The following SLC38A6 variants were observed in gnomAD, a reference collection of about 807,000 sequenced individuals.
SLC38A6 encodes solute carrier family 38 member 6.
Under a neutral mutation model 65.0 loss-of-function variants are expected in SLC38A6, and 73 were observed. The ratio of observed to expected loss-of-function variants is 1.12; its 90% CI spans 0.93 to 1.37. SLC38A6 has a LOEUF of 1.37. Among genes scored for constraint, SLC38A6 ranks in the 40% most tolerant of loss-of-function variants. The pLI is 0.00. For missense variants in SLC38A6, 561 were observed against 531.1 expected (o/e 1.06, Z -0.55); for synonymous variants, 183 against 178.8 (o/e 1.02, Z -0.19).
chr14:60,982,685 A>G (rs1291379226), intron 2 of SLC38A6, 47 bp downstream of exon 2: 1 of 1,565,624 alleles, frequency 6.4e-7, no homozygotes, highest in East Asian at 2.3e-5. Flanking sequence ...CATTTTGATA[A>G]TATACGGAGA....
At chr14:61,040,911 G>A (rs1467886606) in intron 8 of SLC38A6, among the ~76,000 whole-genome samples, 1 of 152,144 alleles carries the variant, frequency 6.6e-6, no homozygotes, top group African/African-American at 2.4e-5. Context: ...TAGTAGGGGA[G>A]ATAAATTTCT....
intron 3 of SLC38A6, among the ~76,000 whole-genome samples, chr14:61,009,717 T>C (rs2039412809): frequency 6.6e-6 from 1 of 152,186 alleles, no homozygotes; most frequent in Admixed American, 6.5e-5. Context: ...GCACTCATCA[T>C]TTTTTATGGC....
At chr14:61,036,917 G>A (rs2041416609) in intron 6 of SLC38A6, 142 bp from the exon 7 acceptor site, 1 of 471,462 alleles carries the variant, frequency 2.1e-6, no homozygotes, top group African/African-American at 2.0e-5. Flanking sequence ...TTTAATGAAA[G>A]GAAGTAGGCT....
At chr14:61,049,258 C>A (rs2042357437) in intron 12 of SLC38A6, among the ~76,000 whole-genome samples, 1 of 152,168 alleles carries the variant, frequency 6.6e-6, no homozygotes, top group African/African-American at 2.4e-5. Context: ...ATTACTAGGT[C>A]TGAAATGCAT....
chr14:61,027,278 G>T (rs914731375), intron 5 of SLC38A6, among the ~76,000 whole-genome samples: 1 of 152,082 alleles, frequency 6.6e-6, no homozygotes, highest in Non-Finnish European at 1.5e-5. Context: ...TGACATCAAG[G>T]TATATCTTCT....
chr14:60,981,634 T>G, intron 1 of SLC38A6: 1 of 1,452,036 alleles, frequency 6.9e-7, no homozygotes, highest in Non-Finnish European at 9.1e-7. Context: ...CAGCGTTGAG[T>G]GGAAGCTGCG....
intron 3 of SLC38A6, among the ~76,000 whole-genome samples, chr14:61,007,714 A>G (rs1261794466): frequency 6.6e-6 from 1 of 152,234 alleles, no homozygotes; most frequent in Non-Finnish European, 1.5e-5. Flanking sequence ...TATAAGTGAC[A>G]TATCAGAGAT....
chr14:61,078,481 C>G (rs965410380), intron 15 of SLC38A6, among the ~76,000 whole-genome samples: 13 of 152,276 alleles, frequency 8.5e-5, no homozygotes, highest in African/African-American at 2.4e-4. Context: ...GTAGAGAATG[C>G]TGGACCCAGG....
chr14:61,067,847 G>A (rs2043081348), intron 15 of SLC38A6, among the ~76,000 whole-genome samples: 1 of 151,728 alleles, frequency 6.6e-6, no homozygotes, highest in Admixed American at 6.6e-5. Context: ...TTTGAATCTT[G>A]ATTCTAGTGC....
At chr14:61,054,648 A>G (rs142458424), downstream of SLC38A6, among the ~76,000 whole-genome samples, 1,576 of 152,062 alleles carry the variant, frequency 0.01, 20 homozygotes, top group Non-Finnish European at 0.012. Flanking sequence ...TGTGAATGGG[A>G]TTGTCTGATT....
intron 2 of SLC38A6, 60 bp downstream of exon 2, chr14:60,982,698 T>G: frequency 6.6e-7 from 1 of 1,508,578 alleles, no homozygotes; most frequent in South Asian, 1.3e-5. Context: ...TACGGAGAAG[T>G]AGAGAGATAG....
intron 15 of SLC38A6, among the ~76,000 whole-genome samples, chr14:61,061,490 A>G (rs2042839898): frequency 6.6e-6 from 1 of 151,970 alleles, no homozygotes. Context: ...ATTTTTTTGG[A>G]GTAGTTTCTG....
Position 60,989,777 on chromosome 14 carries a change from C to T in SLC38A6, c.310+4974C>T, listed in dbSNP as rs117831011. Among the ~76,000 whole-genome samples the T allele has an allele frequency of 4.6e-5, 7 of 152,320 alleles. No homozygotes were observed. The East Asian group carries it at 1.3e-3, about 29-fold the overall frequency. On this transcript the variant is annotated intron_variant, in intron 3 of 15. Transcript: ENST00000267488. The stretch of plus-strand genomic sequence containing the variant: ...GATGTCTCCAGTTCCTCTCCTCCCA[C>T]TCCTATCAGGCTTTTCCACTGAAAC...
intron 6 of SLC38A6, among the ~76,000 whole-genome samples, chr14:61,035,686 T>TGAA (rs2041308016): frequency 1.3e-5 from 2 of 152,226 alleles, no homozygotes; most frequent in South Asian, 4.1e-4. Context: ...CTAGATTAAT[T>TGAA]GAAACAGTCT....
At chr14:61,011,539 T>C (rs1470945659) in intron 3 of SLC38A6, among the ~76,000 whole-genome samples, 1 of 152,168 alleles carries the variant, frequency 6.6e-6, no homozygotes, top group Non-Finnish European at 1.5e-5. Flanking sequence ...GCTCTTATTA[T>C]TTTGAGATAC....
At chr14:61,060,868 G>A (rs1413344055) in intron 15 of SLC38A6, among the ~76,000 whole-genome samples, 1 of 131,730 alleles carries the variant, frequency 7.6e-6, no homozygotes, top group Non-Finnish European at 1.6e-5. Flanking sequence ...ATATTCGGGT[G>A]GGAGTGACCC....
intron 3 of SLC38A6, among the ~76,000 whole-genome samples, chr14:61,015,472 G>A (rs752285692): frequency 4.6e-5 from 7 of 152,072 alleles, no homozygotes; most frequent in Non-Finnish European, 5.9e-5. Flanking sequence ...TTCTGTGTCC[G>A]GAAATAACTT....
At chr14:61,054,380 T>A (rs2042633510), downstream of SLC38A6, among the ~76,000 whole-genome samples, 1 of 152,158 alleles carries the variant, frequency 6.6e-6, no homozygotes, top group African/African-American at 2.4e-5. Flanking sequence ...TCCATATGAA[T>A]TTTAAAATAG....
At chr14:61,008,614 A>G (rs1399218523) in intron 3 of SLC38A6, among the ~76,000 whole-genome samples, 1 of 152,198 alleles carries the variant, frequency 6.6e-6, no homozygotes, top group Non-Finnish European at 1.5e-5. Flanking sequence ...TAGTTAAAAC[A>G]TAAAGCTATA....
Sources: gnomAD v4.1 joint callset for allele counts (sites outside exome capture counted in the v4.1 genomes callset) on GRCh38, gnomAD v4.1.1 for gene constraint, MANE v1.5 for transcripts, NCBI Gene and HGNC (gene_info 2026-07-23, HGNC 2026-07-21) for gene names.